ELP3: variants seen among roughly 807,000 people sequenced by gnomAD.
ELP3 encodes the protein elongator acetyltransferase complex subunit 3.
In ELP3, 56 loss-of-function variants were observed where a neutral mutation model predicts 74.9. The ratio of observed to expected loss-of-function variants is 0.75; its 90% CI spans 0.60 to 0.93. The LOEUF (loss-of-function observed/expected upper bound fraction) is 0.93. ELP3 is among the 40% of genes least tolerant of loss of function. The pLI, the probability that ELP3 is intolerant of heterozygous loss-of-function variation, is 0.00. For missense variants in ELP3, 573 were observed against 686.5 expected (o/e 0.83, Z 1.85); for synonymous variants, 222 against 239.8 (o/e 0.93, Z 0.68).
chr8:28,122,354 A>G (rs191600309), intron 7 of ELP3, among the ~76,000 whole-genome samples: 3 of 152,310 alleles, frequency 2.0e-5, no homozygotes, highest in Admixed American at 2.0e-4. Flanking sequence ...GTTTTCTGAA[A>G]GTGTTCATGT....
upstream of ELP3, among the ~76,000 whole-genome samples, chr8:28,092,357 T>C (rs1482703294): frequency 6.6e-6 from 1 of 152,138 alleles, no homozygotes; most frequent in African/African-American, 2.4e-5. Flanking sequence ...GCCTCCCAAG[T>C]AGCTGGGATT....
chr8:28,093,347 C>G (rs937580763), intron 1 of ELP3, 114 bp downstream of exon 1: 7 of 1,434,614 alleles, frequency 4.9e-6, no homozygotes, highest in Non-Finnish European at 6.6e-6. Flanking sequence ...AGTCCAGTCG[C>G]CCCGCCACCT....
intron 14 of ELP3, 78 bp from the exon 15 acceptor site, chr8:28,189,571 A>G: frequency 7.1e-7 from 1 of 1,408,614 alleles, no homozygotes; most frequent in Non-Finnish European, 1.0e-6. Context: ...GAGAGAGTGT[A>G]AGGCTGAGGG....
At chr8:28,131,953 C>T (rs1358242340) in intron 8 of ELP3, among the ~76,000 whole-genome samples, 1 of 152,066 alleles carries the variant, frequency 6.6e-6, no homozygotes, top group Non-Finnish European at 1.5e-5. Flanking sequence ...GATGCTAAAC[C>T]AAATAATTTT....
chr8:28,106,315 C>T (rs1585642033), intron 3 of ELP3, among the ~76,000 whole-genome samples: 4 of 151,884 alleles, frequency 2.6e-5, no homozygotes, highest in East Asian at 3.9e-4. Context: ...CCGAGGCGGG[C>T]GGATCACGAG....
chr8:28,117,003 A>AG (rs556187595), intron 7 of ELP3, among the ~76,000 whole-genome samples: 6 of 152,168 alleles, frequency 3.9e-5, no homozygotes, highest in Middle Eastern at 3.2e-3. Flanking sequence ...ATTCCCTGGC[A>AG]GGGACATCTA....
chr8:28,184,397 G>A (rs1466343375), intron 14 of ELP3, among the ~76,000 whole-genome samples: 1 of 152,128 alleles, frequency 6.6e-6, no homozygotes, highest in Non-Finnish European at 1.5e-5. Context: ...CCATCGTGAG[G>A]CCTGAGTGCC....
intron 14 of ELP3, among the ~76,000 whole-genome samples, chr8:28,168,682 A>G (rs1212404144): frequency 6.6e-6 from 1 of 152,196 alleles, no homozygotes; most frequent in Non-Finnish European, 1.5e-5. Flanking sequence ...GCTACTCACT[A>G]CCAGCTGTCT....
chr8:28,102,320 G>C (rs1051176720), intron 3 of ELP3, among the ~76,000 whole-genome samples: 1 of 152,104 alleles, frequency 6.6e-6, no homozygotes, highest in Admixed American at 6.5e-5. Context: ...GTTAGTTCAT[G>C]GTACCACCGT....
intron 14 of ELP3, among the ~76,000 whole-genome samples, chr8:28,187,557 G>T (rs1563296180): frequency 6.6e-6 from 1 of 152,198 alleles, no homozygotes; most frequent in Non-Finnish European, 1.5e-5. Context: ...CCTTGAGTAA[G>T]TTGAGTGCAC....
intron 9 of ELP3, among the ~76,000 whole-genome samples, chr8:28,134,688 A>T (rs547310386): frequency 6.6e-6 from 1 of 152,350 alleles, no homozygotes; most frequent in Admixed American, 6.5e-5. Flanking sequence ...AAAAAGCGAA[A>T]TTTAAAACTA....
intron 14 of ELP3, among the ~76,000 whole-genome samples, chr8:28,185,182 A>G (rs1815189102): frequency 6.6e-6 from 1 of 152,202 alleles, no homozygotes; most frequent in South Asian, 2.1e-4. Flanking sequence ...GATTTGGGGC[A>G]GTTTTTGTTA....
chr8:28,146,844 A>G (rs1813453370), intron 10 of ELP3, among the ~76,000 whole-genome samples: 1 of 152,222 alleles, frequency 6.6e-6, no homozygotes, highest in African/African-American at 2.4e-5. Context: ...ACCAAAGACC[A>G]TTGAATCCAT....
At chr8:28,185,521 G>A (rs542693148) in intron 14 of ELP3, among the ~76,000 whole-genome samples, 24 of 152,324 alleles carry the variant, frequency 1.6e-4, no homozygotes, top group Middle Eastern at 3.4e-3. Context: ...ACAGACCTGC[G>A]CAGTGTGATT....
chr8:28,150,537 T>C (rs1813602541), intron 10 of ELP3, among the ~76,000 whole-genome samples: 1 of 152,158 alleles, frequency 6.6e-6, no homozygotes, highest in Admixed American at 6.5e-5. Context: ...AATACTTCAC[T>C]GTACTCTCTT....
intron 3 of ELP3, among the ~76,000 whole-genome samples, chr8:28,104,236 C>G (rs1454544914): frequency 6.6e-6 from 1 of 152,158 alleles, no homozygotes; most frequent in Non-Finnish European, 1.5e-5. Flanking sequence ...CTTTGTATAT[C>G]TTAGCTGGAA....
intron 7 of ELP3, 22 bp downstream of exon 7, chr8:28,113,195 A>G (rs747848119): frequency 5.6e-6 from 9 of 1,605,310 alleles, no homozygotes; most frequent in South Asian, 4.5e-5. Context: ...TTATTTTATC[A>G]TAGTCTCCAG....
chr8:28,134,929 C>CTT (rs34364991), intron 9 of ELP3, among the ~76,000 whole-genome samples: 4 of 143,524 alleles, frequency 2.8e-5, no homozygotes, highest in East Asian at 2.0e-4. Flanking sequence ...TTTCTTATGC[C>CTT]TTTTTTTTTT....
chr8:28,156,491 T>C (rs1434317784), intron 11 of ELP3, among the ~76,000 whole-genome samples: 1 of 152,186 alleles, frequency 6.6e-6, no homozygotes, highest in African/African-American at 2.4e-5. Flanking sequence ...AGATATTTAC[T>C]AAACATCTCC....
Sources: allele counts gnomAD v4.1 joint callset (sites outside exome capture counted in the v4.1 genomes callset), GRCh38; gene constraint gnomAD v4.1.1; transcripts MANE v1.5; gene names NCBI Gene and HGNC (gene_info 2026-07-23, HGNC 2026-07-21).